The following TPP2 variants were observed in gnomAD, a reference collection of about 807,000 sequenced individuals.
TPP2 encodes tripeptidyl-peptidase 2.
A neutral mutation model predicts 155.9 loss-of-function variants in TPP2; 34 were observed. The observed-to-expected ratio is 0.22, with a 90% CI of 0.17 to 0.29. TPP2 has a LOEUF of 0.29. Ranked by LOEUF, TPP2 falls within the 10% of genes least tolerant of loss-of-function variation. TPP2 has a pLI of 1.00. For missense variants in TPP2, 1,028 were observed against 1,522.3 expected (o/e 0.68, Z 5.40); for synonymous variants, 510 against 529.4 (o/e 0.96, Z 0.50).
At chr13:102,630,032 C>A in intron 9 of TPP2, 64 bp from the exon 10 acceptor site, 1 of 1,370,014 alleles carries the variant, frequency 7.3e-7, no homozygotes, top group Non-Finnish European at 1.0e-6. Context: ...CTCAAGTGAA[C>A]AGTGGATTTG....
chr13:102,654,612 G>A (rs1342099253), intron 24 of TPP2, among the ~76,000 whole-genome samples: 1 of 152,186 alleles, frequency 6.6e-6, no homozygotes, highest in African/African-American at 2.4e-5. Context: ...GCCTGCCTAA[G>A]AGCAGCATAC....
At chr13:102,626,882 T>C in intron 6 of TPP2, 130 bp from the exon 7 acceptor site, 2 of 888,158 alleles carry the variant, frequency 2.3e-6, no homozygotes, top group Non-Finnish European at 3.1e-6. Context: ...ACTTGAGTTT[T>C]TGCTCTCCAT....
intron 28 of TPP2, among the ~76,000 whole-genome samples, 156 bp from the exon 29 acceptor site, chr13:102,676,140 C>T (rs541255655): frequency 6.6e-6 from 1 of 152,248 alleles, no homozygotes; most frequent in African/African-American, 2.4e-5. Flanking sequence ...TTTGAAGACA[C>T]CAATTTTCTT....
At chr13:102,633,585 G>A (rs1882164945) in intron 10 of TPP2, among the ~76,000 whole-genome samples, 1 of 152,066 alleles carries the variant, frequency 6.6e-6, no homozygotes, top group South Asian at 2.1e-4. Flanking sequence ...ACCTTAAACA[G>A]AAGGAAAGTT....
chr13:102,664,656 G>C, intron 26 of TPP2, 139 bp from the exon 27 acceptor site: 6 of 789,686 alleles, frequency 7.6e-6, no homozygotes, highest in Non-Finnish European at 1.1e-5. Context: ...AGATAGCAGG[G>C]AGCCCCTGGG....
intron 15 of TPP2, 134 bp downstream of exon 15, chr13:102,638,449 T>G: frequency 1.1e-6 from 1 of 928,918 alleles, no homozygotes; most frequent in Non-Finnish European, 1.7e-6. Flanking sequence ...TGCTCCCAGC[T>G]AGCATTTTTA....
intron 2 of TPP2, among the ~76,000 whole-genome samples, chr13:102,611,241 G>T (rs1178416438): frequency 6.6e-6 from 1 of 152,204 alleles, no homozygotes; most frequent in African/African-American, 2.4e-5. Context: ...GTGTGTGGAT[G>T]TCTCCAGAAT....
At chr13:102,668,664 A>G (rs887348302) in intron 27 of TPP2, among the ~76,000 whole-genome samples, 4 of 152,216 alleles carry the variant, frequency 2.6e-5, no homozygotes, top group African/African-American at 9.6e-5. Flanking sequence ...GTAACAGGGC[A>G]GAAGAAAGGC....
intron 25 of TPP2, among the ~76,000 whole-genome samples, chr13:102,663,037 G>A (rs1884334624): frequency 1.3e-5 from 2 of 151,540 alleles, no homozygotes; most frequent in South Asian, 4.2e-4. Flanking sequence ...AAATATAATA[G>A]CTGGTATGTA....
At chr13:102,610,210 C>CATTT (rs937703693) in intron 2 of TPP2, among the ~76,000 whole-genome samples, 157 of 152,014 alleles carry the variant, frequency 1.0e-3, no homozygotes, top group Admixed American at 2.9e-3. Flanking sequence ...TGTAGTCGTG[C>CATTT]ATTTATTTAT....
At position 102,678,157 on chromosome 13, in the gene TPP2, T is replaced by G. The variant is rs1885408963; in HGVS notation, c.3700-70T>G. 26 of 1,443,304 alleles carry G rather than the reference T, an allele frequency of 1.8e-5. No homozygotes were observed. In the South Asian group the frequency reaches 2.9e-4, roughly 16 times the overall value. 89.4% of individuals were successfully genotyped at this position (1,443,304 alleles called of 1,614,324 possible). Reference sequence around the variant, plus strand: ...TTACTGTTACTATTTAATACAGAATTTATTCTAAATACTGAGCTTAAAAAT... The same window carrying G: ...TTACTGTTACTATTTAATACAGAATGTATTCTAAATACTGAGCTTAAAAAT... On this transcript the variant is annotated intron_variant, in intron 29 of 29. Coordinates refer to ENST00000376052, the MANE Select transcript of TPP2 (RefSeq NM_001330588.2).
At chr13:102,641,353 T>C (rs1027070710) in intron 16 of TPP2, among the ~76,000 whole-genome samples, 4 of 152,234 alleles carry the variant, frequency 2.6e-5, no homozygotes, top group African/African-American at 9.6e-5. Context: ...CCAGCATTGT[T>C]GATACTTCTT....
At chr13:102,646,510 A>C in intron 20 of TPP2, 120 bp downstream of exon 20, 1 of 605,778 alleles carries the variant, frequency 1.7e-6, no homozygotes, top group Non-Finnish European at 2.7e-6. Context: ...GAATCAAGTG[A>C]TTAACAGTTA....
At chr13:102,620,900 G>A (rs180895733) in intron 5 of TPP2, among the ~76,000 whole-genome samples, 61 of 152,284 alleles carry the variant, frequency 4.0e-4, no homozygotes, top group Non-Finnish European at 8.1e-4. Flanking sequence ...CTTGATGAAA[G>A]CTCTAGATTC....
chr13:102,655,143 G>A, intron 24 of TPP2: 2 of 448,198 alleles, frequency 4.5e-6, no homozygotes, highest in East Asian at 7.0e-5. Flanking sequence ...GTGGAGATAG[G>A]ATTATTATTT....
intron 26 of TPP2, 78 bp downstream of exon 26, chr13:102,663,822 C>G (rs1004775799): frequency 2.8e-6 from 3 of 1,082,600 alleles, no homozygotes; most frequent in Admixed American, 3.0e-5. Context: ...AGTGCATTAT[C>G]TTTCTCTTCT....
chr13:102,650,622 G>T (rs1405937277), intron 23 of TPP2, among the ~76,000 whole-genome samples: 3 of 152,258 alleles, frequency 2.0e-5, no homozygotes, highest in South Asian at 4.1e-4. Context: ...CAGCTATTGG[G>T]CGTCAGCTGT....
At chr13:102,633,088 G>T (rs1882127536) in intron 10 of TPP2, among the ~76,000 whole-genome samples, 1 of 152,194 alleles carries the variant, frequency 6.6e-6, no homozygotes, top group Admixed American at 6.5e-5. Flanking sequence ...GGAGAGTCTG[G>T]CAGCCTCTGT....
intron 25 of TPP2, among the ~76,000 whole-genome samples, chr13:102,661,867 CT>C (rs1220509375): frequency 6.6e-6 from 1 of 152,166 alleles, no homozygotes; most frequent in East Asian, 1.9e-4. Flanking sequence ...ACAATCTTGA[CT>C]GCTCTTCAAA....
Sources: allele counts gnomAD v4.1 joint callset (sites outside exome capture counted in the v4.1 genomes callset), GRCh38; gene constraint gnomAD v4.1.1; transcripts MANE v1.5; gene names NCBI Gene and HGNC (gene_info 2026-07-23, HGNC 2026-07-21).